Variants in NTS observed in about 807,000 individuals in gnomAD.
The protein encoded by NTS is neurotensin, also known as neurotensin/neuromedin N.
In NTS, 20 loss-of-function variants were observed where a neutral mutation model predicts 19.5. That is an observed-to-expected ratio of 1.02 (90% confidence interval 0.72 to 1.49). The LOEUF is 1.49. NTS is among the 40% of genes most tolerant of loss of function. The pLI is 0.00. For synonymous variants in NTS, 71 were observed against 63.3 expected (o/e 1.12, Z -0.58); for missense variants, 215 against 193.1 (o/e 1.11, Z -0.67).
At chr12:85,877,888 C>T (rs1370635458) in intron 2 of NTS, 1 of 152,192 alleles carries the variant, frequency 6.6e-6, no homozygotes, top group East Asian at 1.9e-4. Context: ...GTGATGCTAC[C>T]CATAACAATT....
rs1881352764 is a variant in NTS, at chr12:85,876,671, A to G, written c.105A>G (p.Ala35=). The part of the protein sequence containing the change: ...DSEEEMKALE[A]DFLTNMHTSK... The stretch of plus-strand genomic sequence containing the variant: ...AAGAGGAAATGAAAGCATTAGAAGC[A>G]GATTTCTTGACCAATATGCATACAT... Residue 35 remains alanine, a synonymous_variant, in exon 2 of 4, where the codon GCA becomes GCG. Coordinates refer to ENST00000256010, the MANE Select transcript of NTS (RefSeq NM_006183.5). The G allele has an allele frequency of 1.9e-6, 3 of 1,595,670 alleles. No individual in the cohort carries two copies. The highest frequency in any genetic ancestry group is 2.6e-6 in the Non-Finnish European group (3 of 1,169,218).
In NTS at chr12:85,878,621, C is replaced by T. The variant is rs775291502; in HGVS notation, c.360+52C>T. ...GATTATAGTTACACTAGTTAGCTCT[C>T]ATTTATATTAATTTCTTAAATTCCC... On this transcript the variant is annotated intron_variant, in intron 3 of 3. Transcript: ENST00000256010. The T allele has an allele frequency of 7.9e-6, 8 of 1,007,908 alleles. No homozygotes were observed. The South Asian group carries it at 1.8e-4, about 23-fold the overall frequency. The allele number at this position is 1,007,908 out of a possible 1,614,324, so 62.4% of individuals were successfully genotyped here.
chr12:85,878,613 T>G (rs1201635860), intron 3 of NTS, 44 bp downstream of exon 3: 9 of 1,092,988 alleles, frequency 8.2e-6, no homozygotes, highest in Non-Finnish European at 1.2e-5. Context: ...GTTACACTAG[T>G]TAGCTCTCAT....
At chr12:85,876,292 T>G (rs144964903) in intron 1 of NTS, among the ~76,000 whole-genome samples, 1 of 151,944 alleles carries the variant, frequency 6.6e-6, no homozygotes, top group African/African-American at 2.4e-5. Flanking sequence ...ATATGTAAAC[T>G]GTGGCTGGTA....
At chr12:85,877,923 G>A (rs1045710385) in intron 2 of NTS, 1 of 152,936 alleles carries the variant, frequency 6.5e-6, no homozygotes, top group Non-Finnish European at 1.5e-5. Flanking sequence ...TGCATTACTA[G>A]CCTCATACTT....
Position 85,878,482 on chromosome 12 carries a change from T to A in NTS, c.273T>A (p.Thr91=). 1 of 1,613,984 alleles carries A rather than the reference T, an allele frequency of 6.2e-7. No individual in the cohort carries two copies. The highest frequency in any genetic ancestry group is 8.5e-7 in the Non-Finnish European group (1 of 1,179,936). The change falls in exon 3 of 4, where the codon ACT becomes ACA. Residue 91 remains threonine, a synonymous_variant. Coordinates refer to ENST00000256010, the MANE Select transcript of NTS (RefSeq NM_006183.5). The stretch of plus-strand genomic sequence containing the variant: ...TTGTTGCAAGAAGGAAACTTCCTAC[T>A]GCTTTAGATGGCTTTAGCTTGGAAG... The part of the protein sequence containing the change: ...EELVARRKLP[T]ALDGFSLEAM...
intron 1 of NTS, 133 bp downstream of exon 1, chr12:85,874,609 G>A: frequency 1.8e-6 from 1 of 543,752 alleles, no homozygotes; most frequent in East Asian, 2.8e-5. Context: ...TTTAGTGACA[G>A]AAACTGAGTA....
At chr12:85,879,964 A>G (rs1163312604) in intron 3 of NTS, among the ~76,000 whole-genome samples, 1 of 149,088 alleles carries the variant, frequency 6.7e-6, no homozygotes, top group African/African-American at 2.4e-5. Context: ...TGCAGTTTTT[A>G]CCATCAAAAG....
chr12:85,878,179 G>T, intron 2 of NTS, 166 bp from the exon 3 acceptor site: 1 of 523,818 alleles, frequency 1.9e-6, no homozygotes, highest in Admixed American at 3.4e-5. Context: ...ATGAGATATT[G>T]GCAGTATACA....
intron 3 of NTS, among the ~76,000 whole-genome samples, chr12:85,881,092 A>C (rs538065585): frequency 6.6e-6 from 1 of 152,338 alleles, no homozygotes; most frequent in South Asian, 2.1e-4. Context: ...AATAAGATTA[A>C]AACTTTTCCC....
chr12:85,879,970 A>G (rs1164228976), intron 3 of NTS, among the ~76,000 whole-genome samples: 1 of 149,306 alleles, frequency 6.7e-6, no homozygotes, highest in African/African-American at 2.4e-5. Context: ...TTTTACCATC[A>G]AAAGTAATGG....
Position 85,880,760 on chromosome 12 carries a change from G to A in NTS, c.361-1463G>A, listed in dbSNP as rs187524250. Among the ~76,000 whole-genome samples the A allele has an allele frequency of 1.4e-4, 21 of 152,208 alleles. 1 individual carries two copies. The East Asian group carries it at 4.1e-3, about 30-fold the overall frequency. On this transcript the variant is annotated intron_variant, in intron 3 of 3. Transcript: ENST00000256010. ...GAGGTCAAGAGATGGAGACCATCCC[G>A]GCTAACACGGTGAAACCCCGTCTCT...
chr12:85,881,650 A>G (rs560340267), intron 3 of NTS, among the ~76,000 whole-genome samples: 6 of 152,260 alleles, frequency 3.9e-5, no homozygotes, highest in African/African-American at 1.4e-4. Flanking sequence ...GAGCTTTCCC[A>G]TATGTTGATT....
At chr12:85,879,540 AT>A (rs1350340465) in intron 3 of NTS, among the ~76,000 whole-genome samples, 74 of 114,352 alleles carry the variant, frequency 6.5e-4, no homozygotes, top group African/African-American at 2.2e-3. Flanking sequence ...TATAAAATAT[AT>A]TTTTTGTATA....
At chr12:85,876,751 A>AT in intron 2 of NTS, 50 bp downstream of exon 2, 1 of 955,000 alleles carries the variant, frequency 1.0e-6, no homozygotes, top group Non-Finnish European at 1.6e-6. Flanking sequence ...ATGAACTTTC[A>AT]TTATAAACAT....
intron 1 of NTS, 54 bp from the exon 2 acceptor site, chr12:85,876,586 T>A: frequency 9.6e-7 from 1 of 1,037,232 alleles, no homozygotes; most frequent in South Asian, 1.7e-5. Flanking sequence ...CTGTAGATTA[T>A]GATATAATTA....
At chr12:85,877,517 G>A (rs746330577) in intron 2 of NTS, among the ~76,000 whole-genome samples, 3 of 150,510 alleles carry the variant, frequency 2.0e-5, no homozygotes, top group Admixed American at 6.7e-5. Context: ...CTAGGAATAC[G>A]TTCTGGGGTA....
chr12:85,874,553 A>G lies in NTS; in HGVS notation c.73+77A>G, dbSNP rs1881288232. Reference sequence around the variant, plus strand: ...TTGCAGTGTGTTGCTACTTATGTTAATGTATCTGGGGAGAAGAGTTGCTCC... The same window carrying G: ...TTGCAGTGTGTTGCTACTTATGTTAGTGTATCTGGGGAGAAGAGTTGCTCC... On this transcript the variant is annotated intron_variant, in intron 1 of 3. Transcript: ENST00000256010. 7 of 983,236 alleles carry G rather than the reference A, an allele frequency of 7.1e-6. 1 individual carries two copies. In the African/African-American group the frequency reaches 8.0e-5, roughly 11 times the overall value. The allele number at this position is 983,236 out of a possible 1,614,324, so 60.9% of individuals were successfully genotyped here.
At chr12:85,877,705 T>G (rs999521243) in intron 2 of NTS, among the ~76,000 whole-genome samples, 2 of 152,072 alleles carry the variant, frequency 1.3e-5, no homozygotes, top group African/African-American at 2.4e-5. Flanking sequence ...TGTGTTCTCA[T>G]TGTTTAGTAC....
Sources: allele counts gnomAD v4.1 joint callset (sites outside exome capture counted in the v4.1 genomes callset), GRCh38; gene constraint gnomAD v4.1.1; transcripts MANE v1.5; gene names NCBI Gene and HGNC (gene_info 2026-07-23, HGNC 2026-07-21).